Variants in SULF2 observed in about 807,000 individuals in gnomAD.
The protein encoded by SULF2 is extracellular sulfatase Sulf-2.
Under a neutral mutation model 107.7 loss-of-function variants are expected in SULF2, and 52 were observed. The observed-to-expected ratio is 0.48, with a 90% CI of 0.39 to 0.61. The LOEUF is 0.61. Ranked by LOEUF, SULF2 falls within the 20% of genes least tolerant of loss-of-function variation. The pLI is 0.00. For synonymous variants in SULF2, 460 were observed against 464.3 expected, an observed-to-expected ratio of 0.99 and a Z score of 0.12; for missense variants, 993 against 1,177.3, an observed-to-expected ratio of 0.84 and a Z score of 2.29.
intron 1 of SULF2, among the ~76,000 whole-genome samples, chr20:47,764,856 C>G (rs2090495001): frequency 6.6e-6 from 1 of 152,216 alleles, no homozygotes; most frequent in Admixed American, 6.5e-5. Context: ...ATCAGGGGCC[C>G]TGCACAATTC....
At chr20:47,716,109 A>G (rs1225177643) in intron 3 of SULF2, among the ~76,000 whole-genome samples, 2 of 152,222 alleles carry the variant, frequency 1.3e-5, no homozygotes, top group African/African-American at 4.8e-5. Flanking sequence ...CAATATGGTC[A>G]AAATTTATTA....
At chr20:47,737,755 G>GTTTTTTTTTTTTTTTTT (rs11484375) in intron 2 of SULF2, among the ~76,000 whole-genome samples, 19 of 61,834 alleles carry the variant, frequency 3.1e-4, no homozygotes, top group Admixed American at 4.7e-4. Context: ...TCTTTTCTTT[G>GTTTTTTTTTTTTTTTTT]TTTTTTTTTT....
At chr20:47,767,760 G>A (rs1394007747) in intron 1 of SULF2, among the ~76,000 whole-genome samples, 1 of 152,054 alleles carries the variant, frequency 6.6e-6, no homozygotes, top group Non-Finnish European at 1.5e-5. Flanking sequence ...GGGTGACAGA[G>A]CAAGACCGTG....
In SULF2 at chr20:47,694,609, C is replaced by T. The variant is rs1055983872; in HGVS notation, c.568-4314G>A. The stretch of plus-strand genomic sequence containing the variant: ...CACAGCTGGGACCCCGAGGTGCAAC[C>T]GGCCCCCTCTGGCAAGCACCCTCTG... On this transcript the variant is annotated intron_variant, in intron 4 of 20. Transcript: ENST00000688720. This position sits in a 1 kb window ranked among gnomAD's most constrained non-coding sequence, Gnocchi z 4.4. Among the ~76,000 whole-genome samples the T allele has an allele frequency of 1.2e-4, 18 of 151,624 alleles. No homozygotes were observed. Among genetic ancestry groups the T allele is most frequent in the African/African-American group, 3.2e-4 (13 of 40,920 alleles).
intron 2 of SULF2, among the ~76,000 whole-genome samples, chr20:47,744,609 T>A (rs2089964195): frequency 6.6e-6 from 1 of 151,608 alleles, no homozygotes; most frequent in Non-Finnish European, 1.5e-5. Flanking sequence ...GACCGAAAAA[T>A]CTATAGATGG....
intron 1 of SULF2, among the ~76,000 whole-genome samples, chr20:47,770,262 T>C (rs931403220): frequency 2.0e-5 from 3 of 151,964 alleles, no homozygotes; most frequent in East Asian, 1.9e-4. Context: ...GGTCTTGCTA[T>C]GTTGCCCAGG....
chr20:47,715,093 A>ATTTTTT lies in SULF2; in HGVS notation c.416-12429_416-12424dup, dbSNP rs869126418. On this transcript the variant is annotated intron_variant, in intron 3 of 20. Transcript: ENST00000688720. The stretch of plus-strand genomic sequence containing the variant: ...GCCACCATGCCCAGATAACTTTTGT[A>ATTTTTT]TTTTTTTTTTTTTTTTTTTGTAGAG... Among the ~76,000 whole-genome samples, 4 of 128,988 alleles carry ATTTTTT rather than the reference A, an allele frequency of 3.1e-5. 1 individual carries two copies. Among genetic ancestry groups the ATTTTTT allele is most frequent in the Non-Finnish European group, 1.7e-5 (1 of 60,448 alleles). The allele number at this position is 128,988 out of a possible 152,430, so 84.6% of individuals were successfully genotyped here.
intron 1 of SULF2, among the ~76,000 whole-genome samples, chr20:47,767,345 A>G (rs942243751): frequency 1.3e-5 from 2 of 152,168 alleles, no homozygotes; most frequent in African/African-American, 2.4e-5. Flanking sequence ...ACAGCTCCCA[A>G]TTTTCTTGGG....
intron 17 of SULF2, among the ~76,000 whole-genome samples, chr20:47,662,290 G>A (rs529340787): frequency 2.0e-5 from 3 of 152,264 alleles, no homozygotes; most frequent in East Asian, 3.9e-4. Context: ...GAAAGGACGG[G>A]TAAGTGGCCT....
intron 6 of SULF2, 123 bp downstream of exon 6, chr20:47,684,308 C>G (rs576158730): frequency 9.3e-5 from 101 of 1,083,544 alleles, no homozygotes; most frequent in Non-Finnish European, 1.3e-4. Context: ...CACATGGGGC[C>G]TCTTCATTCT....
In SULF2 at chr20:47,663,032, C is replaced by T. The variant is rs771628908; in HGVS notation, c.2370+38G>A. The T allele has an allele frequency of 8.1e-6, 13 of 1,612,866 alleles. No individual in the cohort carries two copies. In the Admixed American group the frequency reaches 1.2e-4, roughly 14 times the overall value. ...GGGCCTACCTGGCAGCACTGGTGTA[C>T]CCCACACCCCCATCCCTCTAGCTCG... is the stretch of plus-strand genomic sequence containing the variant. On this transcript the variant is annotated intron_variant, in intron 17 of 20. Transcript: ENST00000688720.
Position 47,672,689 on chromosome 20 carries a change from G to A in SULF2, c.1381-296C>T, listed in dbSNP as rs866331583. 2.5e-5 allele frequency: 8 copies of A among 318,010 alleles called. No individual in the cohort carries two copies. In the Admixed American group the frequency reaches 3.2e-4, roughly 13 times the overall value. 19.7% of individuals were successfully genotyped at this position (318,010 alleles called of 1,614,324 possible). A position where few individuals can be genotyped will look rare whatever the true frequency, so the allele number is the denominator to read the frequency against. On this transcript the variant is annotated intron_variant, in intron 10 of 20. Transcript: ENST00000688720. ...TGGCAGCTAGAGGAATCTTTTTAAA[G>A]GGCAAGTTGGATCATATTACTCTCC...
chr20:47,693,851 T>A (rs1286754164), intron 4 of SULF2, among the ~76,000 whole-genome samples: 1 of 152,188 alleles, frequency 6.6e-6, no homozygotes, highest in Non-Finnish European at 1.5e-5. Context: ...GTGATTACAG[T>A]ACCTGCCTCT....
intron 4 of SULF2, among the ~76,000 whole-genome samples, chr20:47,690,817 C>T (rs2088172077): frequency 6.7e-6 from 1 of 149,592 alleles, no homozygotes; most frequent in Non-Finnish European, 1.5e-5. Context: ...TGCAGTGAGC[C>T]ACGACTGCAT....
chr20:47,690,148 A>C lies in SULF2; in HGVS notation c.715T>G (p.Phe239Val). 6.6e-7 allele frequency: 1 copy of C among 1,513,472 alleles called. No homozygotes were observed. Among genetic ancestry groups the C allele is most frequent in the Non-Finnish European group, 8.9e-7 (1 of 1,124,348 alleles). The allele number at this position is 1,513,472 out of a possible 1,614,324, so 93.8% of individuals were successfully genotyped here. A position where few individuals can be genotyped will look rare whatever the true frequency, so the allele number is the denominator to read the frequency against. The change falls in exon 5 of 21, where the codon TTC becomes GTC. Residue 239 changes from phenylalanine to valine, a missense_variant. Around this residue, in one of 3 missense-constraint regions of SULF2, gnomAD observed 388 missense variants for 449.2 expected, o/e 0.86. Coordinates refer to ENST00000688720, the MANE Select transcript of SULF2 (RefSeq NM_001387048.1). ...TACATGTGCTGAGATGCGTTTGGGA[A>C]GAGGCGTGAATATTGTGGGGCTGAA... is the stretch of plus-strand genomic sequence containing the variant. ...EDSAPQYSRLFPNASQHITPS... is the reference protein window; with the variant it reads ...EDSAPQYSRLVPNASQHITPS...
At chr20:47,699,355 C>T (rs2088486237) in intron 4 of SULF2, among the ~76,000 whole-genome samples, 1 of 151,904 alleles carries the variant, frequency 6.6e-6, no homozygotes, top group South Asian at 2.1e-4. Context: ...AGTCCACTCC[C>T]CTCATATGAT....
At chr20:47,739,395 C>G (rs77074907) in intron 2 of SULF2, among the ~76,000 whole-genome samples, 2,175 of 152,278 alleles carry the variant, frequency 0.014, 26 homozygotes, top group Admixed American at 0.019. Context: ...ATCAAGGCAC[C>G]AAGGTCGTGC....
chr20:47,744,827 T>C (rs2089969098), intron 2 of SULF2, among the ~76,000 whole-genome samples: 1 of 152,116 alleles, frequency 6.6e-6, no homozygotes, highest in Middle Eastern at 3.2e-3. Flanking sequence ...AGGCTGAGGA[T>C]GAAGGGGGCA....
At chr20:47,687,652 C>T (rs907478166) in intron 5 of SULF2, among the ~76,000 whole-genome samples, 9 of 150,734 alleles carry the variant, frequency 6.0e-5, no homozygotes, top group African/African-American at 9.7e-5. Flanking sequence ...TCTTTGTTTG[C>T]GTGTGTGTAT....
Sources: gnomAD v4.1 joint callset for allele counts (sites outside exome capture counted in the v4.1 genomes callset) on GRCh38, gnomAD v4.1.1 for gene constraint, gnomAD v4.1.1 regional missense constraint, Gnocchi (gnomAD v3.1) non-coding constraint, MANE v1.5 for transcripts, NCBI Gene and HGNC (gene_info 2026-07-23, HGNC 2026-07-21) for gene names.